Variants in TSC22D1 observed in about 807,000 individuals in gnomAD.
The protein encoded by TSC22D1 is TSC22 domain family protein 1.
Under a neutral mutation model 74.2 loss-of-function variants are expected in TSC22D1, and 9 were observed. The ratio of observed to expected loss-of-function variants is 0.12; its 90% CI spans 0.07 to 0.21. The LOEUF (loss-of-function observed/expected upper bound fraction) is 0.21. Among genes scored for constraint, TSC22D1 ranks in the 10% least tolerant of loss-of-function variants. The pLI is 1.00. For synonymous variants in TSC22D1, 586 were observed against 492.5 expected, an observed-to-expected ratio of 1.19 and a Z score of -2.51; for missense variants, 1,427 against 1,304.7, an observed-to-expected ratio of 1.09 and a Z score of -1.44.
chr13:44,529,532 A>C (rs1880721751), intron 1 of TSC22D1, among the ~76,000 whole-genome samples: 2 of 152,232 alleles, frequency 1.3e-5, no homozygotes, highest in Non-Finnish European at 2.9e-5. Context: ...TATTGGGAAC[A>C]AGACAAGGAT....
chr13:44,466,922 G>C (rs1003828693), intron 1 of TSC22D1, among the ~76,000 whole-genome samples: 1 of 152,124 alleles, frequency 6.6e-6, no homozygotes, highest in African/African-American at 2.4e-5. Context: ...CAGCACTTTG[G>C]GAGGCCGAGG....
intron 1 of TSC22D1, among the ~76,000 whole-genome samples, chr13:44,445,707 G>A (rs1875581979): frequency 6.6e-6 from 1 of 151,800 alleles, no homozygotes; most frequent in African/African-American, 2.4e-5. Context: ...AAAAGAAAAG[G>A]GCAAAAGACA....
intron 1 of TSC22D1, among the ~76,000 whole-genome samples, chr13:44,469,741 T>C (rs1877492089): frequency 2.0e-5 from 3 of 152,098 alleles, no homozygotes; most frequent in Admixed American, 1.3e-4. Context: ...GCTAGTGAAA[T>C]TTATCTATCT....
chr13:44,510,607 T>C (rs1225710535), intron 1 of TSC22D1, among the ~76,000 whole-genome samples: 3 of 152,168 alleles, frequency 2.0e-5, no homozygotes, highest in Admixed American at 2.0e-4. Flanking sequence ...TGTTTTGTTT[T>C]GTTTGGAGAC....
At chr13:44,489,666 G>T (rs9805240) in intron 1 of TSC22D1, among the ~76,000 whole-genome samples, 54,813 of 151,472 alleles carry the variant, frequency 0.36, 9,983 homozygotes, top group Non-Finnish European at 0.39. Context: ...TCTCTATAAA[G>T]AATTTTAAAA....
chr13:44,450,745 T>G (rs1876059369), intron 1 of TSC22D1, among the ~76,000 whole-genome samples: 1 of 152,168 alleles, frequency 6.6e-6, no homozygotes. Flanking sequence ...TAGGCCTTAC[T>G]AGGCAGTGGG....
chr13:44,439,522 G>C (rs540628487), intron 1 of TSC22D1, among the ~76,000 whole-genome samples: 39 of 152,324 alleles, frequency 2.6e-4, no homozygotes, highest in Non-Finnish European at 4.3e-4. Flanking sequence ...CAAGACAAAC[G>C]ATCCATATGT....
In TSC22D1 at chr13:44,574,819, A is replaced by G; in HGVS notation, c.1256T>C (p.Phe419Ser). ...AGTGCAAGTCCATCTACCTTTTTTA[A>G]AGGGCTCAGAACTAGAATCTAACTT... ...VVKLDSSSEP[F>S]KKGRWTCTEF... is the part of the protein sequence containing the mutation. Residue 419 changes from phenylalanine to serine, a missense_variant, in exon 1 of 3, where the codon TTT (phenylalanine) becomes TCT (serine). This residue lies in a region of TSC22D1 where 1,343 missense variants were observed against 1,191.5 expected (regional missense o/e 1.13). Transcript: ENST00000458659. 1 of 1,614,070 alleles carries G rather than the reference A, an allele frequency of 6.2e-7. No homozygotes were observed. The highest frequency in any genetic ancestry group is 8.5e-7 in the Non-Finnish European group (1 of 1,180,022).
chr13:44,523,506 G>A (rs948063059), intron 1 of TSC22D1, among the ~76,000 whole-genome samples: 4 of 152,160 alleles, frequency 2.6e-5, no homozygotes, highest in African/African-American at 9.7e-5. Flanking sequence ...ATTGCTAAGT[G>A]AAAGCCAGTC....
intron 1 of TSC22D1, among the ~76,000 whole-genome samples, chr13:44,442,643 G>A (rs1168085564): frequency 6.6e-6 from 1 of 152,138 alleles, no homozygotes; most frequent in African/African-American, 2.4e-5. Flanking sequence ...TCGGCCAGGT[G>A]TGGTGGCTCA....
At position 44,575,938 on chromosome 13, in the gene TSC22D1, G is replaced by C. The variant is rs1268226143; in HGVS notation, c.137C>G (p.Thr46Ser). 3 of 1,611,966 alleles carry C rather than the reference G, an allele frequency of 1.9e-6. No homozygotes were observed. Among genetic ancestry groups the C allele is most frequent in the Non-Finnish European group, 1.7e-6 (2 of 1,179,258 alleles). Reference protein sequence around the residue: ...GSASALNAAGTGVGSNATSSE... With the variant: ...GSASALNAAGSGVGSNATSSE... ...AGATGTGGCATTACTACCGACGCCG[G>C]TACCTGCTGCATTGAGAGCAGAGGC... Residue 46 changes from threonine (T) to serine (S), a missense_variant, in exon 1 of 3, where the codon ACC (threonine) becomes AGC (serine). By Grantham distance (58) the Thr-to-Ser change is moderately conservative (BLOSUM62 1). Around this residue, in one of 3 missense-constraint regions of TSC22D1, gnomAD observed 1,343 missense variants for 1,191.5 expected, o/e 1.13. Transcript: ENST00000458659.
chr13:44,534,218 CCT>C lies in TSC22D1; in HGVS notation c.2912+38943_2912+38944del, dbSNP rs71070913. Among the ~76,000 whole-genome samples, 1,385 of 147,358 alleles carry C rather than the reference CCT, an allele frequency of 9.4e-3. 5 individuals are homozygous for C. Among genetic ancestry groups the C allele is most frequent in the Non-Finnish European group, 0.015 (985 of 67,026 alleles). ...TGCAGCCTGAGCGACAGAGTAAGAC[CCT>C]GTCTCAAGGAGAAAAAAAAAAAAAA... On this transcript the variant is annotated intron_variant, in intron 1 of 2. Transcript: ENST00000458659.
At chr13:44,539,913 G>A in intron 1 of TSC22D1, 1 of 1,289,642 alleles carries the variant, frequency 7.8e-7, no homozygotes, top group South Asian at 1.2e-5. Flanking sequence ...ACCTCTGGTA[G>A]GAGAGAAGCA....
At chr13:44,483,333 A>G (rs559517032) in intron 1 of TSC22D1, among the ~76,000 whole-genome samples, 1 of 149,416 alleles carries the variant, frequency 6.7e-6, no homozygotes, top group African/African-American at 2.5e-5. Flanking sequence ...ATGAACTATC[A>G]AGAAAATTGT....
At chr13:44,519,223 T>C (rs9533887) in intron 1 of TSC22D1, among the ~76,000 whole-genome samples, 14,093 of 152,278 alleles carry the variant, frequency 0.093, 819 homozygotes, top group Non-Finnish European at 0.13. Flanking sequence ...ACATCTATCA[T>C]GTTAGGTTTC....
intron 1 of TSC22D1, among the ~76,000 whole-genome samples, chr13:44,542,353 C>T (rs886615864): frequency 2.0e-5 from 3 of 152,052 alleles, no homozygotes; most frequent in African/African-American, 7.2e-5. Context: ...CCAGATCTTG[C>T]TCAGATTAAT....
chr13:44,440,990 T>C (rs1272804750), intron 1 of TSC22D1, among the ~76,000 whole-genome samples: 1 of 152,230 alleles, frequency 6.6e-6, no homozygotes, highest in East Asian at 1.9e-4. Context: ...AATTCTTTAC[T>C]TGGCCAAATC....
At chr13:44,515,938 CAGT>C (rs921694360) in intron 1 of TSC22D1, among the ~76,000 whole-genome samples, 2 of 152,142 alleles carry the variant, frequency 1.3e-5, no homozygotes, top group African/African-American at 4.8e-5. Flanking sequence ...TTCAAATAAG[CAGT>C]AGAACTTCAC....
intron 1 of TSC22D1, among the ~76,000 whole-genome samples, chr13:44,439,602 G>A (rs1182442462): frequency 6.6e-6 from 1 of 152,240 alleles, no homozygotes; most frequent in Non-Finnish European, 1.5e-5. Context: ...GCTTCCAGGA[G>A]AGATCCTTAA....
Sources: allele counts gnomAD v4.1 joint callset (sites outside exome capture counted in the v4.1 genomes callset), GRCh38; gene constraint gnomAD v4.1.1; regional missense constraint gnomAD v4.1.1; transcripts MANE v1.5; gene names NCBI Gene and HGNC (gene_info 2026-07-23, HGNC 2026-07-21).